The following AVEN variants were observed in gnomAD, a reference collection of about 807,000 sequenced individuals.
AVEN encodes the protein cell death regulator Aven.
In AVEN, 41 loss-of-function variants were observed where a neutral mutation model predicts 38.1. That is an observed-to-expected ratio of 1.08 (90% CI 0.84 to 1.40). The LOEUF is 1.40. Among genes scored for constraint, AVEN ranks in the 40% most tolerant of loss-of-function variants. AVEN has a pLI of 0.00. For synonymous variants in AVEN, 206 were observed against 171.8 expected, an observed-to-expected ratio of 1.20 and a Z score of -1.56; for missense variants, 605 against 438.8, an observed-to-expected ratio of 1.38 and a Z score of -3.38.
intron 1 of AVEN, among the ~76,000 whole-genome samples, chr15:34,072,334 C>T (rs147372084): frequency 0.023 from 3,437 of 151,376 alleles, 96 homozygotes; most frequent in African/African-American, 0.058. Flanking sequence ...TTACCTGGGC[C>T]GGGCGCAGTG....
At chr15:34,021,225 G>A (rs139408379) in intron 1 of AVEN, among the ~76,000 whole-genome samples, 2,766 of 150,820 alleles carry the variant, frequency 0.018, 83 homozygotes, top group African/African-American at 0.064. Context: ...TTGCTCTGTC[G>A]CCTCCCAAGT....
intron 1 of AVEN, 45 bp from the exon 2 acceptor site, chr15:34,003,254 T>C (rs1897210119): frequency 6.3e-7 from 1 of 1,590,098 alleles, no homozygotes; most frequent in Non-Finnish European, 8.6e-7. Context: ...GTGGAAATCC[T>C]GACCTTAGTA....
At chr15:33,920,897 C>A (rs1464940642) in intron 2 of AVEN, among the ~76,000 whole-genome samples, 1 of 152,062 alleles carries the variant, frequency 6.6e-6, no homozygotes, top group Admixed American at 6.5e-5. Context: ...TGCCTCAGCC[C>A]CCCAAGCAGC....
downstream of AVEN, among the ~76,000 whole-genome samples, chr15:33,864,565 G>A (rs186259492): frequency 1.3e-5 from 2 of 151,212 alleles, no homozygotes; most frequent in African/African-American, 4.8e-5. Context: ...GACCTCATGT[G>A]TGGGTGACAC....
chr15:34,013,742 G>A (rs1210000584), intron 1 of AVEN, among the ~76,000 whole-genome samples: 2 of 152,214 alleles, frequency 1.3e-5, no homozygotes, highest in Non-Finnish European at 2.9e-5. Flanking sequence ...ACCAATGGGG[G>A]AGAAGGGGGA....
chr15:33,924,362 T>C (rs1348456069), intron 2 of AVEN, among the ~76,000 whole-genome samples: 1 of 147,360 alleles, frequency 6.8e-6, no homozygotes, highest in Non-Finnish European at 1.5e-5. Context: ...AGAGCGAGAC[T>C]GTCTCAAAAA....
chr15:34,029,517 CAAAAAAAAAAAAAA>C lies in AVEN; in HGVS notation c.267+9249_267+9262del, dbSNP rs66519745. Among the ~76,000 whole-genome samples the C allele has an allele frequency of 2.9e-3, 341 of 118,702 alleles. 3 individuals carry two copies. Among genetic ancestry groups the C allele is most frequent in the African/African-American group, 0.011 (316 of 29,726 alleles). The allele number at this position is 118,702 out of a possible 152,430, so 77.9% of individuals were successfully genotyped here. A position where few individuals can be genotyped will look rare whatever the true frequency, so the allele number is the denominator to read the frequency against. ...GCAACATAGGTAGACCCTATTTCTACAAAAAAAAAAAAAAAAAAAAAAAATTGAAAAGGAAATGG... is the reference window on the plus strand; with the variant it reads ...GCAACATAGGTAGACCCTATTTCTACAAAAAAAAAATTGAAAAGGAAATGG... On this transcript the variant is annotated intron_variant, in intron 1 of 5. Coordinates refer to ENST00000306730, the MANE Select transcript of AVEN (RefSeq NM_020371.3).
At chr15:34,069,623 T>C (rs1426566911) in intron 2 of AVEN, among the ~76,000 whole-genome samples, 1 of 152,230 alleles carries the variant, frequency 6.6e-6, no homozygotes, top group Non-Finnish European at 1.5e-5. Flanking sequence ...GTGATGTTAA[T>C]ATTGATCGAT....
chr15:33,950,131 A>C (rs777813809), intron 2 of AVEN, among the ~76,000 whole-genome samples: 4 of 152,250 alleles, frequency 2.6e-5, no homozygotes, highest in Non-Finnish European at 5.9e-5. Flanking sequence ...CAAATATTGT[A>C]TGATCTCACT....
intron 2 of AVEN, among the ~76,000 whole-genome samples, chr15:33,878,566 A>G (rs1891350445): frequency 6.6e-6 from 1 of 152,208 alleles, no homozygotes; most frequent in African/African-American, 2.4e-5. Flanking sequence ...GAAAGCAGGT[A>G]GGGCAAATTT....
At chr15:33,918,764 CT>C (rs1340197683) in intron 2 of AVEN, among the ~76,000 whole-genome samples, 1 of 151,822 alleles carries the variant, frequency 6.6e-6, no homozygotes, top group African/African-American at 2.4e-5. Flanking sequence ...CTACAGCATC[CT>C]TTTTGTAATT....
At chr15:33,890,573 A>G (rs557557517) in intron 2 of AVEN, among the ~76,000 whole-genome samples, 10 of 152,328 alleles carry the variant, frequency 6.6e-5, no homozygotes, top group Non-Finnish European at 4.4e-5. Context: ...AATGTAAAAT[A>G]CAGAATTCTG....
At chr15:33,891,236 G>T (rs938440255) in intron 2 of AVEN, among the ~76,000 whole-genome samples, 5 of 151,958 alleles carry the variant, frequency 3.3e-5, no homozygotes, top group Non-Finnish European at 5.9e-5. Flanking sequence ...TTTTTTAATG[G>T]TTTGTTTTTA....
intron 1 of AVEN, among the ~76,000 whole-genome samples, chr15:34,010,364 AC>A (rs1897585529): frequency 6.6e-6 from 1 of 152,356 alleles, no homozygotes; most frequent in Admixed American, 6.5e-5. Flanking sequence ...GAGAATACTT[AC>A]AGATTATCTC....
At chr15:33,857,055 C>G (rs1345212841), downstream of AVEN, among the ~76,000 whole-genome samples, 1 of 152,132 alleles carries the variant, frequency 6.6e-6, no homozygotes, top group Non-Finnish European at 1.5e-5. Flanking sequence ...CACAATGTAT[C>G]CCTCCTCACA....
intron 5 of AVEN, among the ~76,000 whole-genome samples, chr15:34,049,713 A>G (rs1264896449): frequency 6.6e-6 from 1 of 152,064 alleles, no homozygotes; most frequent in Non-Finnish European, 1.5e-5. Flanking sequence ...AAGAAGATCA[A>G]CCCCAAGACA....
rs765518611 is a variant in AVEN at position 33,867,508 on chromosome 15, G to C, written c.960C>G (p.Val320=). ...DLKSKEDGEV[V]QEEEVCAKPS... is the part of the protein sequence containing the mutation. ...TGAAAGCCATACCTTCTTCCTCTTG[G>C]ACCACCTCCCCATCTTCCTTGGATT... Residue 320 remains valine (V), a synonymous_variant, in exon 5 of 6, where the codon GTC becomes GTG. Coordinates refer to ENST00000306730, the MANE Select transcript of AVEN (RefSeq NM_020371.3). 14 of 1,578,164 alleles carry C rather than the reference G, an allele frequency of 8.9e-6. No homozygotes were observed. The Middle Eastern group carries it at 1.9e-3, about 211-fold the overall frequency.
At chr15:33,857,067 C>T (rs903604816), downstream of AVEN, among the ~76,000 whole-genome samples, 1 of 152,202 alleles carries the variant, frequency 6.6e-6, no homozygotes, top group Non-Finnish European at 1.5e-5. Context: ...CTCCTCACAG[C>T]ACCTGCACTA....
At chr15:34,022,053 G>C (rs969593926) in intron 1 of AVEN, among the ~76,000 whole-genome samples, 1 of 152,170 alleles carries the variant, frequency 6.6e-6, no homozygotes, top group African/African-American at 2.4e-5. Flanking sequence ...GGCATTGTTT[G>C]CAATAAGGAC....
Sources: allele counts gnomAD v4.1 joint callset (sites outside exome capture counted in the v4.1 genomes callset), GRCh38; gene constraint gnomAD v4.1.1; transcripts MANE v1.5; gene names NCBI Gene and HGNC (gene_info 2026-07-23, HGNC 2026-07-21).